The following ARHGEF6 variants were observed in gnomAD, a reference collection of about 807,000 sequenced individuals.
The protein encoded by ARHGEF6 is Rac/Cdc42 guanine nucleotide exchange factor 6.
A neutral mutation model predicts 70.3 loss-of-function variants in ARHGEF6; 9 were observed. The observed-to-expected ratio is 0.13, with a 90% confidence interval of 0.08 to 0.22. ARHGEF6 has a LOEUF of 0.22. ARHGEF6 is among the 10% of genes least tolerant of loss of function. ARHGEF6 has a pLI of 1.00. For missense variants in ARHGEF6, 470 were observed against 563.0 expected (o/e 0.83, Z 1.67); for synonymous variants, 201 against 207.8 (o/e 0.97, Z 0.28).
At chrX:136,750,740 A>G (rs2077141477) in intron 2 of ARHGEF6, among the ~76,000 whole-genome samples, 1 of 111,963 alleles carries the variant, frequency 8.9e-6, no homozygotes, top group African/African-American at 3.3e-5. Context: ...TTTATTAAAG[A>G]TATTTTAAGT....
intron 5 of ARHGEF6, among the ~76,000 whole-genome samples, chrX:136,742,370 T>G (rs1164375494): frequency 8.9e-6 from 1 of 111,843 alleles, no homozygotes; most frequent in Non-Finnish European, 1.9e-5. Flanking sequence ...TCCAGAATGT[T>G]TCATTTTACT....
chrX:136,668,512 T>TTTC (rs546433801), intron 21 of ARHGEF6, among the ~76,000 whole-genome samples: 10,232 of 98,233 alleles, frequency 0.1, 839 homozygotes, highest in African/African-American at 0.26. Context: ...CAGCCTGGTA[T>TTTC]TTCTTCTTCT....
At chrX:136,729,697 G>A (rs2076914761) in intron 6 of ARHGEF6, among the ~76,000 whole-genome samples, 1 of 107,827 alleles carries the variant, frequency 9.3e-6, no homozygotes, top group African/African-American at 3.4e-5. Context: ...GGGCGTGGTG[G>A]CGCTCGCCTG....
At chrX:136,710,179 C>T (rs1423000638) in intron 7 of ARHGEF6, among the ~76,000 whole-genome samples, 1 of 107,130 alleles carries the variant, frequency 9.3e-6, no homozygotes, top group Non-Finnish European at 1.9e-5. Flanking sequence ...TGGCACATGC[C>T]TGTAGTCTCA....
At chrX:136,690,406 T>C (rs943205532) in intron 10 of ARHGEF6, among the ~76,000 whole-genome samples, 1 of 110,773 alleles carries the variant, frequency 9.0e-6, no homozygotes, top group African/African-American at 3.3e-5. Flanking sequence ...ATCATTAATA[T>C]CTAGTAGCAA....
At chrX:136,732,271 A>C in intron 5 of ARHGEF6, 99 bp from the exon 6 acceptor site, 2 of 639,811 alleles carry the variant, frequency 3.1e-6, no homozygotes, top group Non-Finnish European at 5.1e-6. Context: ...TTCCCAGTGG[A>C]AGGATCAATG....
At chrX:136,688,047 C>T (rs958550864) in intron 10 of ARHGEF6, 56 bp from the exon 11 acceptor site, 5 of 973,347 alleles carry the variant, frequency 5.1e-6, no homozygotes, top group Admixed American at 4.4e-5. Context: ...CAGCAGTTGC[C>T]AAGGGTTAGG....
At chrX:136,675,357 G>T (rs1156281145) in intron 18 of ARHGEF6, among the ~76,000 whole-genome samples, 1 of 108,922 alleles carries the variant, frequency 9.2e-6, no homozygotes, top group Non-Finnish European at 1.9e-5. Flanking sequence ...GGGTGGGGGG[G>T]GCGGTGTTTT....
At chrX:136,711,850 C>T (rs1016305411) in intron 7 of ARHGEF6, among the ~76,000 whole-genome samples, 26 of 111,966 alleles carry the variant, frequency 2.3e-4, no homozygotes, top group Non-Finnish European at 4.5e-4. Flanking sequence ...CGTCAGCCAA[C>T]GTGCCCAGCC....
chrX:136,672,264 C>T lies in ARHGEF6; in HGVS notation c.2036-145G>A, dbSNP rs763630796. Reference sequence around the variant, plus strand: ...TACATTACACCCAGAGGACAGTCACCCATCATTTGCTGACTAAATTTTCCT... The same window carrying T: ...TACATTACACCCAGAGGACAGTCACTCATCATTTGCTGACTAAATTTTCCT... On this transcript the variant is annotated intron_variant, in intron 19 of 21. Transcript: ENST00000250617. The T allele has an allele frequency of 2.0e-3, 990 of 500,530 alleles. 8 individuals carry two copies. The highest frequency in any genetic ancestry group is 0.01 in the South Asian group (342 of 33,671). 41.2% of individuals were successfully genotyped at this position (500,530 alleles called of 1,213,427 possible). A position where few individuals can be genotyped will look rare whatever the true frequency, so the allele number is the denominator to read the frequency against.
rs191876148 is a variant in ARHGEF6 at position 136,771,209 on chromosome X, G to A, written c.249+8205C>T. Among the ~76,000 whole-genome samples the A allele has an allele frequency of 1.7e-4, 19 of 111,949 alleles. 1 individual carries two copies. The East Asian group carries it at 5.3e-3, about 31-fold the overall frequency. On this transcript the variant is annotated intron_variant, in intron 2 of 21. Coordinates refer to ENST00000250617, the MANE Select transcript of ARHGEF6 (RefSeq NM_004840.3). ...GAAATACATCCCATAAGACAAATAA[G>A]TGGAAATACATCCCATGTTCATGGA... is the stretch of plus-strand genomic sequence containing the variant.
chrX:136,767,269 C>T, intron 2 of ARHGEF6: 1 of 754,995 alleles, frequency 1.3e-6, no homozygotes. Flanking sequence ...AAGCCTGTGC[C>T]AAGGCTGCGG....
intron 8 of ARHGEF6, among the ~76,000 whole-genome samples, chrX:136,707,549 C>T (rs2076638554): frequency 8.9e-6 from 1 of 112,297 alleles, no homozygotes; most frequent in Admixed American, 9.4e-5. Flanking sequence ...CTCAGACTCC[C>T]ACCATTTGGA....
intron 9 of ARHGEF6, among the ~76,000 whole-genome samples, chrX:136,697,284 A>G (rs953457826): frequency 2.7e-5 from 3 of 111,934 alleles, no homozygotes; most frequent in African/African-American, 9.8e-5. Flanking sequence ...TAAGCCAATA[A>G]AAGGAGGCAG....
intron 2 of ARHGEF6, among the ~76,000 whole-genome samples, chrX:136,763,972 A>C (rs896639095): frequency 1.8e-5 from 2 of 111,923 alleles, no homozygotes; most frequent in African/African-American, 6.5e-5. Flanking sequence ...GATTATGGGA[A>C]AATAAGTGTA....
intron 9 of ARHGEF6, among the ~76,000 whole-genome samples, chrX:136,692,591 GCTA>G (rs2076470261): frequency 8.9e-6 from 1 of 112,037 alleles, no homozygotes; most frequent in African/African-American, 3.2e-5. Context: ...GGGTTTTAAT[GCTA>G]CTATTTCATG....
At chrX:136,732,722 G>A (rs1298022495) in intron 5 of ARHGEF6, among the ~76,000 whole-genome samples, 1 of 111,997 alleles carries the variant, frequency 8.9e-6, no homozygotes, top group Non-Finnish European at 1.9e-5. Flanking sequence ...GCTACTGTAA[G>A]TTTTCTGAGC....
At chrX:136,754,169 C>T (rs1386282637) in intron 2 of ARHGEF6, among the ~76,000 whole-genome samples, 1 of 111,745 alleles carries the variant, frequency 8.9e-6, no homozygotes, top group Non-Finnish European at 1.9e-5. Context: ...GGGGAGAACC[C>T]CTTTCTCTAT....
intron 6 of ARHGEF6, among the ~76,000 whole-genome samples, chrX:136,717,589 T>C (rs1248750594): frequency 8.9e-6 from 1 of 112,186 alleles, no homozygotes; most frequent in African/African-American, 3.2e-5. Flanking sequence ...TTATTTTTAA[T>C]TGACCTAATA....
Sources: gnomAD v4.1 joint callset for allele counts (sites outside exome capture counted in the v4.1 genomes callset) on GRCh38, gnomAD v4.1.1 for gene constraint, MANE v1.5 for transcripts, NCBI Gene and HGNC (gene_info 2026-07-23, HGNC 2026-07-21) for gene names.